The following IQGAP1 variants were observed in gnomAD, a reference collection of about 807,000 sequenced individuals.
IQGAP1 encodes ras GTPase-activating-like protein IQGAP1.
Under a neutral mutation model 215.6 loss-of-function variants are expected in IQGAP1, and 66 were observed. The observed-to-expected ratio is 0.31, with a 90% CI of 0.25 to 0.38. IQGAP1 has a LOEUF of 0.38. IQGAP1 is among the 10% of genes least tolerant of loss of function. IQGAP1 has a pLI of 1.00. For missense variants in IQGAP1, 1,712 were observed against 1,997.1 expected, an observed-to-expected ratio of 0.86 and a Z score of 2.72; for synonymous variants, 772 against 728.7, an observed-to-expected ratio of 1.06 and a Z score of -0.96.
chr15:90,390,756 C>CT lies in IQGAP1; in HGVS notation c.56-15dup. 6.5e-7 allele frequency: 1 copy of CT among 1,538,592 alleles called. No homozygotes were observed. The highest frequency in any genetic ancestry group is 9.0e-7 in the Non-Finnish European group (1 of 1,111,824). ...GGCTACAGATCCTGGTGTTTACATT[C>CT]TTTCTTTTATGTTGTAGCTGTCCTG... On this transcript the variant is annotated splice_polypyrimidine_tract_variant and intron_variant, in intron 1 of 37. Coordinates refer to ENST00000268182, the MANE Select transcript of IQGAP1 (RefSeq NM_003870.4).
At chr15:90,427,792 G>A (rs1361745703) in intron 3 of IQGAP1, among the ~76,000 whole-genome samples, 2 of 152,052 alleles carry the variant, frequency 1.3e-5, no homozygotes, top group African/African-American at 2.4e-5. Context: ...GTCTACAGAG[G>A]TTACCTGTGA....
intron 6 of IQGAP1, among the ~76,000 whole-genome samples, 169 bp from the exon 7 acceptor site, chr15:90,440,333 A>G (rs954014276): frequency 2.6e-5 from 4 of 152,214 alleles, no homozygotes; most frequent in Non-Finnish European, 5.9e-5. Context: ...CATTTTATAT[A>G]CTAGTTACTG....
intron 11 of IQGAP1, 74 bp from the exon 12 acceptor site, chr15:90,452,701 C>A: frequency 1.4e-6 from 2 of 1,481,200 alleles, no homozygotes; most frequent in Non-Finnish European, 1.8e-6. Context: ...ATATTTTTCC[C>A]ATGAAGATTG....
chr15:90,477,667 C>T lies in IQGAP1; in HGVS notation c.3107C>T (p.Ser1036Leu), dbSNP rs201358762. ...FKTALQEEIK[S>L]KVDQIQEIVT... is the part of the protein sequence containing the mutation. ...AATTTTTATCTGATGTTTTATAGGTCGAAGGTAGATCAGATTCAAGAGATT... is the reference window on the plus strand; with the variant it reads ...AATTTTTATCTGATGTTTTATAGGTTGAAGGTAGATCAGATTCAAGAGATT... Residue 1036 changes from serine to leucine, a missense_variant and splice_region_variant, in exon 26 of 38, where the codon TCG (serine) becomes TTG (leucine). Ser to Leu is a moderately radical substitution (Grantham distance 145, BLOSUM62 -2). Coordinates refer to ENST00000268182, the MANE Select transcript of IQGAP1 (RefSeq NM_003870.4). The T allele has an allele frequency of 8.5e-5, 136 of 1,607,362 alleles. 1 individual carries two copies. The highest frequency in any genetic ancestry group is 1.1e-4 in the Non-Finnish European group (125 of 1,174,292).
intron 4 of IQGAP1, among the ~76,000 whole-genome samples, chr15:90,432,069 C>G (rs1965310951): frequency 6.6e-6 from 1 of 152,180 alleles, no homozygotes; most frequent in Non-Finnish European, 1.5e-5. Flanking sequence ...TTCCCATTTT[C>G]ATGGTTTCAT....
chr15:90,409,417 T>C (rs1964926017), intron 2 of IQGAP1, among the ~76,000 whole-genome samples: 1 of 152,110 alleles, frequency 6.6e-6, no homozygotes, highest in South Asian at 2.1e-4. Flanking sequence ...TTTGTATTTT[T>C]AGTAGAGATG....
At chr15:90,405,614 C>T (rs1330041107) in intron 2 of IQGAP1, among the ~76,000 whole-genome samples, 4 of 152,078 alleles carry the variant, frequency 2.6e-5, no homozygotes, top group Non-Finnish European at 5.9e-5. Flanking sequence ...TGAGTTAAAC[C>T]AAGCCAAATA....
In IQGAP1 at chr15:90,448,559, C is replaced by A; in HGVS notation, c.914-14C>A. ...AACATAGTCCTTTCACAAGCTTTTGCCTTTTTTCCTCAGCATTTTCTGCAT... is the reference window on the plus strand; with the variant it reads ...AACATAGTCCTTTCACAAGCTTTTGACTTTTTTCCTCAGCATTTTCTGCAT... On this transcript the variant is annotated splice_polypyrimidine_tract_variant and intron_variant, in intron 9 of 37. Coordinates refer to ENST00000268182, the MANE Select transcript of IQGAP1 (RefSeq NM_003870.4). 1 of 1,556,290 alleles carries A rather than the reference C, an allele frequency of 6.4e-7. No homozygotes were observed. Among genetic ancestry groups the A allele is most frequent in the Non-Finnish European group, 8.7e-7 (1 of 1,150,792 alleles).
intron 8 of IQGAP1, 102 bp from the exon 9 acceptor site, chr15:90,443,292 A>G (rs1182373237): frequency 8.6e-6 from 6 of 698,378 alleles, no homozygotes; most frequent in Admixed American, 4.6e-5. Flanking sequence ...AGCTACACCC[A>G]TATTCTTGGT....
chr15:90,467,100 A>C (rs951418067), intron 17 of IQGAP1, among the ~76,000 whole-genome samples: 5 of 152,132 alleles, frequency 3.3e-5, no homozygotes, highest in Non-Finnish European at 5.9e-5. Context: ...TGAAAAAAAA[A>C]ATAATAATAA....
intron 2 of IQGAP1, among the ~76,000 whole-genome samples, chr15:90,392,837 C>T (rs60325567): frequency 0.034 from 5,051 of 150,720 alleles, 277 homozygotes; most frequent in African/African-American, 0.11. Flanking sequence ...CTCCACCTCC[C>T]GGGTTCAAGC....
intron 2 of IQGAP1, among the ~76,000 whole-genome samples, chr15:90,410,577 A>G (rs921629559): frequency 1.3e-3 from 195 of 152,208 alleles, no homozygotes; most frequent in African/African-American, 4.3e-3. Flanking sequence ...TCAGCAAACT[A>G]TCACAAGGAC....
chr15:90,484,340 C>T lies in IQGAP1; in HGVS notation c.3909C>T (p.Ile1303=). 2 of 1,611,094 alleles carry T rather than the reference C, an allele frequency of 1.2e-6. No homozygotes were observed. Among genetic ancestry groups the T allele is most frequent in the Non-Finnish European group, 1.7e-6 (2 of 1,177,400 alleles). The change falls in exon 30 of 38, where the codon ATC becomes ATT. Residue 1303 remains isoleucine, a synonymous_variant. Transcript: ENST00000268182. The part of the protein sequence containing the change: ...PVIYISIGEI[I]NTHTLLLDHQ... Reference sequence around the variant, plus strand: ...TCTACATTTCCATTGGTGAAATCATCAACACCCACACTGTAAGTATTTTTC... The same window carrying T: ...TCTACATTTCCATTGGTGAAATCATTAACACCCACACTGTAAGTATTTTTC...
intron 2 of IQGAP1, among the ~76,000 whole-genome samples, chr15:90,415,251 C>G (rs1196537790): frequency 6.6e-6 from 1 of 152,116 alleles, no homozygotes; most frequent in Non-Finnish European, 1.5e-5. Context: ...GTGTTTCTAG[C>G]ATATTTTTCT....
At chr15:90,415,366 C>T (rs1965030604) in intron 2 of IQGAP1, among the ~76,000 whole-genome samples, 1 of 151,928 alleles carries the variant, frequency 6.6e-6, no homozygotes, top group Non-Finnish European at 1.5e-5. Context: ...TTTTTTCCTC[C>T]AGTAACCTTT....
intron 15 of IQGAP1, among the ~76,000 whole-genome samples, chr15:90,462,208 T>G (rs900128178): frequency 1.3e-5 from 2 of 152,210 alleles, no homozygotes; most frequent in African/African-American, 4.8e-5. Context: ...GACCTCCATG[T>G]GTGTATATGC....
At chr15:90,467,729 A>T in intron 18 of IQGAP1, 137 bp downstream of exon 18, 2 of 792,450 alleles carry the variant, frequency 2.5e-6, no homozygotes, top group Non-Finnish European at 3.7e-6. Context: ...TTTTGCGGTA[A>T]TTTTTTTGTA....
At chr15:90,428,350 T>C (rs1361179123) in intron 3 of IQGAP1, among the ~76,000 whole-genome samples, 1 of 152,160 alleles carries the variant, frequency 6.6e-6, no homozygotes, top group African/African-American at 2.4e-5. Context: ...GTGCCAGGAT[T>C]ACAGGCATGA....
chr15:90,442,465 C>G (rs554878262), intron 8 of IQGAP1, among the ~76,000 whole-genome samples: 4 of 152,008 alleles, frequency 2.6e-5, no homozygotes, highest in African/African-American at 9.6e-5. Flanking sequence ...AAAAAAACTT[C>G]ACACAAATTT....
Sources: gnomAD v4.1 joint callset for allele counts (sites outside exome capture counted in the v4.1 genomes callset) on GRCh38, gnomAD v4.1.1 for gene constraint, MANE v1.5 for transcripts, NCBI Gene and HGNC (gene_info 2026-07-23, HGNC 2026-07-21) for gene names.